Variants in CSMD1 observed in about 807,000 individuals in gnomAD.
CSMD1 encodes CUB and sushi domain-containing protein 1.
Under a neutral mutation model 417.5 loss-of-function variants are expected in CSMD1, and 213 were observed. The observed-to-expected ratio is 0.51, with a 90% CI of 0.46 to 0.57. The LOEUF (loss-of-function observed/expected upper bound fraction) is 0.57, where lower values mean the gene tolerates loss of function less well. Among genes scored for constraint, CSMD1 ranks in the 20% least tolerant of loss-of-function variants. The pLI is 0.00. For missense variants in CSMD1, 6,923 were observed against 4,529.7 expected, an observed-to-expected ratio of 1.53 and a Z score of -15.17; for synonymous variants, 2,862 against 1,736.8, an observed-to-expected ratio of 1.65 and a Z score of -16.11.
At chr8:4,695,195 G>C (rs989424007) in intron 1 of CSMD1, among the ~76,000 whole-genome samples, 1 of 151,852 alleles carries the variant, frequency 6.6e-6, no homozygotes, top group African/African-American at 2.4e-5. Context: ...AGTTATTTTT[G>C]TCATTTCCCT....
chr8:3,596,500 T>C (rs1400320393), intron 8 of CSMD1, among the ~76,000 whole-genome samples: 1 of 152,186 alleles, frequency 6.6e-6, no homozygotes, highest in Non-Finnish European at 1.5e-5. Flanking sequence ...TGGATTCAAA[T>C]GGGCTTTCTT....
intron 1 of CSMD1, among the ~76,000 whole-genome samples, chr8:4,739,108 G>GCA (rs553457549): frequency 6.6e-6 from 1 of 152,144 alleles, no homozygotes; most frequent in South Asian, 2.1e-4. Context: ...ATACACACGT[G>GCA]CACACACACA....
In CSMD1 at chr8:3,187,750, T is replaced by C. The variant is rs1796146843; in HGVS notation, c.5620+119A>G. 2.4e-5 allele frequency: 17 copies of C among 711,648 alleles called. No individual in the cohort carries two copies. In the Admixed American group the frequency reaches 3.4e-4, roughly 14 times the overall value. The allele number at this position is 711,648 out of a possible 1,614,324, so 44.1% of individuals were successfully genotyped here. A position where few individuals can be genotyped will look rare whatever the true frequency, so the allele number is the denominator to read the frequency against. Reference sequence around the variant, plus strand: ...ACTTTCAGCACTAGAGCAACCATTATGGAGATAGAAGAATTGTGTAGGAAA... The same window carrying C: ...ACTTTCAGCACTAGAGCAACCATTACGGAGATAGAAGAATTGTGTAGGAAA... On this transcript the variant is annotated intron_variant, in intron 36 of 69. Coordinates refer to ENST00000635120, the MANE Select transcript of CSMD1 (RefSeq NM_033225.6).
Position 4,010,007 on chromosome 8 carries a change from C to T in CSMD1, c.611-11897G>A, listed in dbSNP as rs540429939. Among the ~76,000 whole-genome samples, 67 of 152,238 alleles carry T rather than the reference C, an allele frequency of 4.4e-4. 1 individual carries two copies. The highest frequency in any genetic ancestry group is 1.5e-3 in the African/African-American group (64 of 41,524). On this transcript the variant is annotated intron_variant, in intron 4 of 69. Transcript: ENST00000635120. Reference sequence around the variant, plus strand: ...TCTGACCCCCTAATCTTAATTCTTCCTATGCTCCTGAATGTCTCCTACTAC... The same window carrying T: ...TCTGACCCCCTAATCTTAATTCTTCTTATGCTCCTGAATGTCTCCTACTAC...
At chr8:3,221,581 C>G (rs1029015223) in intron 28 of CSMD1, among the ~76,000 whole-genome samples, 1 of 151,902 alleles carries the variant, frequency 6.6e-6, no homozygotes, top group East Asian at 1.9e-4. Flanking sequence ...CCCATCTGCT[C>G]TCTTTTTTTT....
At chr8:4,931,781 T>A (rs1269113532) in intron 1 of CSMD1, among the ~76,000 whole-genome samples, 1 of 152,164 alleles carries the variant, frequency 6.6e-6, no homozygotes, top group South Asian at 2.1e-4. Context: ...GAAAGGGTGG[T>A]GAGGCTCAGA....
chr8:3,280,734 C>G (rs887793472), intron 26 of CSMD1, among the ~76,000 whole-genome samples: 1 of 151,792 alleles, frequency 6.6e-6, no homozygotes, highest in Non-Finnish European at 1.5e-5. Flanking sequence ...TAGTAATTGT[C>G]ATTTCTGTAG....
intron 3 of CSMD1, among the ~76,000 whole-genome samples, chr8:4,095,419 G>C (rs988613940): frequency 3.3e-5 from 5 of 152,180 alleles, no homozygotes; most frequent in East Asian, 1.9e-4. Flanking sequence ...AATGACAATA[G>C]TGCAGCTAGT....
intron 1 of CSMD1, among the ~76,000 whole-genome samples, chr8:4,792,127 C>T (rs763033499): frequency 8.5e-5 from 13 of 152,114 alleles, no homozygotes; most frequent in Non-Finnish European, 1.2e-4. Flanking sequence ...AACAGAATCT[C>T]TCTCCTTATT....
chr8:3,229,804 G>C (rs1286257475), intron 27 of CSMD1, among the ~76,000 whole-genome samples: 1 of 152,044 alleles, frequency 6.6e-6, no homozygotes, highest in Non-Finnish European at 1.5e-5. Context: ...GTTAAGGGTA[G>C]GAAATATACG....
chr8:3,445,631 T>A (rs765966771), intron 12 of CSMD1, among the ~76,000 whole-genome samples: 1 of 152,054 alleles, frequency 6.6e-6, no homozygotes, highest in African/African-American at 2.4e-5. Flanking sequence ...GGCCATTCAC[T>A]TGGGAGACAG....
intron 4 of CSMD1, among the ~76,000 whole-genome samples, chr8:4,010,305 C>A (rs1473353284): frequency 2.6e-5 from 4 of 152,132 alleles, no homozygotes; most frequent in African/African-American, 2.4e-5. Context: ...TAATCTGGCA[C>A]CCTCTGCCTT....
intron 12 of CSMD1, among the ~76,000 whole-genome samples, chr8:3,416,253 G>A (rs74954229): frequency 0.017 from 2,459 of 148,098 alleles, 49 homozygotes; most frequent in East Asian, 0.095. Context: ...CAGTGAACCG[G>A]GACTGCGCAA....
intron 3 of CSMD1, among the ~76,000 whole-genome samples, chr8:4,349,068 T>G (rs1346778259): frequency 6.6e-6 from 1 of 152,232 alleles, no homozygotes; most frequent in Non-Finnish European, 1.5e-5. Flanking sequence ...ATTATTAACA[T>G]GACTCATGAA....
intron 5 of CSMD1, among the ~76,000 whole-genome samples, chr8:3,938,889 G>A (rs1810684275): frequency 6.6e-6 from 1 of 152,114 alleles, no homozygotes; most frequent in South Asian, 2.1e-4. Flanking sequence ...TGTGACAACT[G>A]TATATCTATA....
intron 1 of CSMD1, among the ~76,000 whole-genome samples, chr8:4,773,676 G>A (rs958166880): frequency 5.3e-5 from 8 of 152,132 alleles, no homozygotes; most frequent in South Asian, 2.1e-4. Context: ...AGCCTTTATC[G>A]TCAGGCTTTG....
chr8:4,206,580 T>C (rs1799994920), intron 3 of CSMD1, among the ~76,000 whole-genome samples: 1 of 152,208 alleles, frequency 6.6e-6, no homozygotes, highest in African/African-American at 2.4e-5. Context: ...TAATCCAGTC[T>C]ATCATTGATG....
At chr8:4,960,236 T>C (rs908963676) in intron 1 of CSMD1, among the ~76,000 whole-genome samples, 6 of 152,292 alleles carry the variant, frequency 3.9e-5, no homozygotes, top group African/African-American at 1.4e-4. Flanking sequence ...GAAATACAAA[T>C]AATATCTTGA....
intron 2 of CSMD1, among the ~76,000 whole-genome samples, chr8:4,435,981 T>C (rs1798128379): frequency 1.3e-5 from 2 of 152,188 alleles, no homozygotes; most frequent in African/African-American, 4.8e-5. Flanking sequence ...CATCTACTTT[T>C]CTGTCACAAA....
Sources: gnomAD v4.1 joint callset for allele counts (sites outside exome capture counted in the v4.1 genomes callset) on GRCh38, gnomAD v4.1.1 for gene constraint, MANE v1.5 for transcripts, NCBI Gene and HGNC (gene_info 2026-07-23, HGNC 2026-07-21) for gene names.